NAV1: variants seen among roughly 807,000 people sequenced by gnomAD.
NAV1 encodes the protein pore membrane and/or filament interacting like protein 3.
Under a neutral mutation model 175.2 loss-of-function variants are expected in NAV1, and 18 were observed. That is an observed-to-expected ratio of 0.10 (90% CI 0.07 to 0.15). The LOEUF is 0.15. Among genes scored for constraint, NAV1 ranks in the 10% least tolerant of loss-of-function variants. NAV1 has a pLI of 1.00. For synonymous variants in NAV1, 897 were observed against 978.7 expected (o/e 0.92, Z 1.56); for missense variants, 1,731 against 2,436.6 (o/e 0.71, Z 6.10).
chr1:201,618,394 A>G (rs1243034735), upstream of NAV1, among the ~76,000 whole-genome samples: 4 of 152,134 alleles, frequency 2.6e-5, no homozygotes, highest in East Asian at 5.8e-4. Flanking sequence ...AACTAGCTAG[A>G]TCTCCAGCAT....
chr1:201,604,732 AAGAAAGAAAGAAAG>A (rs990925001), intron 2 of NAV1, among the ~76,000 whole-genome samples: 1 of 151,328 alleles, frequency 6.6e-6, no homozygotes, highest in Non-Finnish European at 1.5e-5. Context: ...AAGAGAAAGA[AAGAAAGAAAGAAAG>A]AGAGAGAGAG....
chr1:201,544,396 A>G (rs1665608072), intron 1 of NAV1, among the ~76,000 whole-genome samples: 2 of 152,184 alleles, frequency 1.3e-5, no homozygotes, highest in African/African-American at 4.8e-5. Context: ...ATCCATTTGT[A>G]AATAGAGTAA....
intron 1 of NAV1, among the ~76,000 whole-genome samples, chr1:201,706,102 G>A (rs998497137): frequency 3.9e-5 from 6 of 152,174 alleles, no homozygotes; most frequent in African/African-American, 4.8e-5. Flanking sequence ...TCCCAAAGAC[G>A]TTTGACTCAT....
intron 1 of NAV1, 143 bp downstream of exon 3, chr1:201,623,749 G>A: frequency 1.2e-6 from 1 of 815,060 alleles, no homozygotes; most frequent in Non-Finnish European, 1.5e-6. Context: ...AGTTAGGTAG[G>A]TGGAGGCCTA....
intron 1 of NAV1, among the ~76,000 whole-genome samples, chr1:201,567,527 C>T (rs1010930625): frequency 6.6e-6 from 1 of 152,160 alleles, no homozygotes; most frequent in African/African-American, 2.4e-5. Flanking sequence ...AAATATTGCT[C>T]AGGGAGGCAT....
chr1:201,763,548 T>G (rs1253773374), intron 3 of NAV1, among the ~76,000 whole-genome samples: 1 of 152,232 alleles, frequency 6.6e-6, no homozygotes, highest in Non-Finnish European at 1.5e-5. Context: ...AAGGGAAATC[T>G]CTGAAACTAG....
At chr1:201,756,993 G>C (rs137997283) in intron 3 of NAV1, among the ~76,000 whole-genome samples, 1 of 151,892 alleles carries the variant, frequency 6.6e-6, no homozygotes. Flanking sequence ...GGCAGGTCTG[G>C]CATAGGAGTA....
At chr1:201,789,603 G>A (rs1676977307) in intron 10 of NAV1, 137 bp from the exon 15 acceptor site, 1 of 771,322 alleles carries the variant, frequency 1.3e-6, no homozygotes, top group East Asian at 2.6e-5. Flanking sequence ...TACCAGCTGG[G>A]TTCCCTACTC....
chr1:201,617,354 C>G (rs537741938), intron 2 of NAV1, among the ~76,000 whole-genome samples: 1 of 152,242 alleles, frequency 6.6e-6, no homozygotes, highest in East Asian at 1.9e-4. Context: ...TGAGACTCCC[C>G]AGACACATTG....
chr1:201,688,480 G>A (rs1036338797), intron 1 of NAV1: 4 of 152,182 alleles, frequency 2.6e-5, no homozygotes, highest in African/African-American at 9.7e-5. Flanking sequence ...TCTGAATAAA[G>A]GTTTTACACA....
chr1:201,643,057 A>C (rs1668851266), intron 2 of NAV1, among the ~76,000 whole-genome samples: 2 of 151,668 alleles, frequency 1.3e-5, no homozygotes, highest in African/African-American at 4.8e-5. Context: ...TACAGGTGTG[A>C]GCCACCGTGC....
chr1:201,566,007 G>A (rs1476973324), intron 1 of NAV1, among the ~76,000 whole-genome samples: 2 of 152,126 alleles, frequency 1.3e-5, no homozygotes, highest in African/African-American at 4.8e-5. Flanking sequence ...GCTGGCGCTG[G>A]TCCTTTCTTT....
At chr1:201,675,136 G>C (rs953389429) in intron 1 of NAV1, among the ~76,000 whole-genome samples, 2 of 151,992 alleles carry the variant, frequency 1.3e-5, no homozygotes, top group African/African-American at 4.8e-5. Flanking sequence ...CCTCTGACCT[G>C]GGGATGACCT....
At chr1:201,664,792 C>T (rs1669749277) in intron 1 of NAV1, among the ~76,000 whole-genome samples, 1 of 152,174 alleles carries the variant, frequency 6.6e-6, no homozygotes, top group Admixed American at 6.5e-5. Flanking sequence ...TGGATCCTTG[C>T]TCATGAGCCG....
chr1:201,684,054 G>A (rs1558063932), intron 1 of NAV1, among the ~76,000 whole-genome samples: 2 of 152,148 alleles, frequency 1.3e-5, no homozygotes, highest in African/African-American at 4.8e-5. Context: ...AGCTTTGGCT[G>A]TTAGGGGAGC....
chr1:201,661,720 C>T (rs74136659), intron 1 of NAV1, among the ~76,000 whole-genome samples: 1 of 152,052 alleles, frequency 6.6e-6, no homozygotes, highest in Non-Finnish European at 1.5e-5. Context: ...GATGTCAGCC[C>T]CATCAGCATT....
chr1:201,610,669 G>C (rs1667818715), intron 2 of NAV1, among the ~76,000 whole-genome samples: 1 of 152,198 alleles, frequency 6.6e-6, no homozygotes. Flanking sequence ...GGCTGGGGTG[G>C]TGGAGTTGCT....
At chr1:201,648,293 C>T (rs1439265584) in exon 1 of NAV1, 1 of 1,105,446 alleles carries the variant, frequency 9.0e-7, no homozygotes, top group East Asian at 5.1e-5. Context: ...GATCCGGACA[C>T]CAAAGCAAAA....
chr1:201,547,112 G>A (rs993396656), intron 1 of NAV1, among the ~76,000 whole-genome samples: 32 of 150,954 alleles, frequency 2.1e-4, no homozygotes, highest in Admixed American at 1.4e-3. Flanking sequence ...TCAGCCTCCC[G>A]AGTAGCTGGG....
Sources: allele counts gnomAD v4.1 joint callset (sites outside exome capture counted in the v4.1 genomes callset), GRCh38; gene constraint gnomAD v4.1.1; transcripts MANE v1.5; gene names NCBI Gene and HGNC (gene_info 2026-07-23, HGNC 2026-07-21).